MAST4: variants seen among roughly 807,000 people sequenced by gnomAD.
The protein encoded by MAST4 is microtubule associated serine/threonine kinase family member 4, also known as microtubule-associated serine/threonine-protein kinase 4.
Under a neutral mutation model 162.7 loss-of-function variants are expected in MAST4, and 89 were observed. That is an observed-to-expected ratio of 0.55 (90% CI 0.46 to 0.65). MAST4 has a LOEUF of 0.65. MAST4 is among the 30% of genes least tolerant of loss of function. MAST4 has a pLI of 0.00. For missense variants in MAST4, 3,153 were observed against 3,374.0 expected (o/e 0.93, Z 1.62); for synonymous variants, 1,479 against 1,361.1 (o/e 1.09, Z -1.91).
At chr5:66,908,632 A>C (rs71626460) in intron 4 of MAST4, among the ~76,000 whole-genome samples, 4,987 of 152,282 alleles carry the variant, frequency 0.033, 152 homozygotes, top group African/African-American at 0.076. Flanking sequence ...AAATCAGAAT[A>C]AAGTAGGATT....
intron 1 of MAST4, among the ~76,000 whole-genome samples, chr5:66,703,518 A>G (rs1749917010): frequency 6.6e-6 from 1 of 152,202 alleles, no homozygotes. Context: ...CAGTGACCCA[A>G]CTTCTGCAGG....
intron 4 of MAST4, among the ~76,000 whole-genome samples, chr5:67,017,721 G>A (rs1753480868): frequency 1.3e-5 from 2 of 150,122 alleles, no homozygotes; most frequent in Non-Finnish European, 3.0e-5. Context: ...CGCCTGCCTC[G>A]GCCTCCCGAG....
At chr5:67,150,232 A>G (rs1253328112) in intron 24 of MAST4, among the ~76,000 whole-genome samples, 2 of 152,114 alleles carry the variant, frequency 1.3e-5, no homozygotes, top group East Asian at 3.9e-4. Flanking sequence ...CTGATCACTA[A>G]CTCTGTAGTA....
chr5:67,167,063 C>T lies in MAST4; in HGVS notation c.*12C>T, dbSNP rs759636420. On this transcript the variant is annotated 3_prime_UTR_variant, in exon 29 of 29. Coordinates refer to ENST00000403625, the MANE Select transcript of MAST4 (RefSeq NM_001164664.2). ...AAAAGGCCTTGTAACGGGGAGGGCC[C>T]AGGGGCAGGACTGTGGAGACCCGTC... is the stretch of plus-strand genomic sequence containing the variant. The T allele has an allele frequency of 1.9e-5, 30 of 1,566,310 alleles. No individual in the cohort carries two copies. The highest frequency in any genetic ancestry group is 8.7e-6 in the Non-Finnish European group (10 of 1,155,952).
In MAST4 at chr5:66,596,621, C is replaced by A. The variant is rs1425633846; in HGVS notation, c.-35C>A. ...AGGCGCTGAGTGCGCGCCGCGCCCC[C>A]GCCGCTCGGGAGGCACTTTGGGCCA... On this transcript the variant is annotated 5_prime_UTR_variant, in exon 1 of 29. Coordinates refer to ENST00000403625, the MANE Select transcript of MAST4 (RefSeq NM_001164664.2). 17 of 1,397,978 alleles carry A rather than the reference C, an allele frequency of 1.2e-5. No homozygotes were observed. Among genetic ancestry groups the A allele is most frequent in the Middle Eastern group, 4.1e-4 (2 of 4,888 alleles). The allele number at this position is 1,397,978 out of a possible 1,614,324, so 86.6% of individuals were successfully genotyped here.
At chr5:66,629,135 G>A (rs540580704) in intron 1 of MAST4, among the ~76,000 whole-genome samples, 2 of 152,326 alleles carry the variant, frequency 1.3e-5, no homozygotes, top group Non-Finnish European at 2.9e-5. Context: ...CGGAAATTGA[G>A]CCTGCATTGA....
chr5:66,761,595 C>T (rs556008404), intron 2 of MAST4, among the ~76,000 whole-genome samples: 4 of 149,272 alleles, frequency 2.7e-5, no homozygotes, highest in East Asian at 3.9e-4. Context: ...TGGATTTTGA[C>T]GTTTTGAAGA....
intron 3 of MAST4, chr5:66,828,638 C>G (rs1229676471): frequency 1.6e-6 from 1 of 621,984 alleles, no homozygotes; most frequent in Non-Finnish European, 2.8e-6. Context: ...CCACTTGCTG[C>G]TCTCTCCCAC....
At chr5:66,609,076 G>C (rs897403689) in intron 1 of MAST4, among the ~76,000 whole-genome samples, 2 of 114,224 alleles carry the variant, frequency 1.8e-5, no homozygotes, top group African/African-American at 6.6e-5. Context: ...TTTTTTCCCT[G>C]TAAATCCTTG....
In MAST4 at chr5:66,844,873, A is replaced by G. The variant is rs193044053; in HGVS notation, c.643-55078A>G. 2.0e-3 allele frequency among the ~76,000 whole-genome samples: 304 copies of G among 151,860 alleles called. 2 individuals are homozygous for G. Among genetic ancestry groups the G allele is most frequent in the African/African-American group, 6.9e-3 (284 of 41,410 alleles). On this transcript the variant is annotated intron_variant, in intron 3 of 28. Transcript: ENST00000403625. ...CTTACATTTTGGGTCCTATTGAGAA[A>G]TTCAAAGGGAAAGATCCAATAGATA...
Position 67,163,484 on chromosome 5 carries a change from C to G in MAST4, c.4305C>G (p.Pro1435=). 1 of 1,613,322 alleles carries G rather than the reference C, an allele frequency of 6.2e-7. No individual in the cohort carries two copies. The highest frequency in any genetic ancestry group is 8.5e-7 in the Non-Finnish European group (1 of 1,179,784). Residue 1435 remains proline (P), a synonymous_variant, in exon 29 of 29, where the codon CCC becomes CCG. Coordinates refer to ENST00000403625, the MANE Select transcript of MAST4 (RefSeq NM_001164664.2). This position sits in a 1 kb window ranked among gnomAD's most constrained non-coding sequence, Gnocchi z 7.0. The part of the protein sequence containing the change: ...RHIVRPKSAE[P]PRSPLLKRVQ... The stretch of plus-strand genomic sequence containing the variant: ...TCGTGAGGCCCAAGAGTGCGGAGCC[C>G]CCCAGGTCCCCGCTGCTCAAGCGCG...
Position 67,061,160 on chromosome 5 carries a change from G to C in MAST4, c.763+6668G>C, listed in dbSNP as rs559908276. ...CAGTCTTTTTTCCTGTATGTACTCT[G>C]TGTGTGTGTGTGTGTCCATCTGAAC... On this transcript the variant is annotated intron_variant, in intron 5 of 28. Transcript: ENST00000403625. Among the ~76,000 whole-genome samples the C allele has an allele frequency of 9.2e-5, 10 of 108,436 alleles. No homozygotes were observed. In the East Asian group the frequency reaches 2.6e-3, roughly 28 times the overall value. The allele number at this position is 108,436 out of a possible 152,430, so 71.1% of individuals were successfully genotyped here.
At chr5:66,869,344 G>T (rs371494345) in intron 3 of MAST4, among the ~76,000 whole-genome samples, 18 of 152,318 alleles carry the variant, frequency 1.2e-4, no homozygotes, top group African/African-American at 4.3e-4. Flanking sequence ...GAAATGGGAA[G>T]ACATGCTCAG....
chr5:66,824,884 A>T (rs925736889), intron 3 of MAST4, among the ~76,000 whole-genome samples: 115 of 152,340 alleles, frequency 7.5e-4, no homozygotes, highest in African/African-American at 2.7e-3. Flanking sequence ...AAGATATTTT[A>T]TATCTGTATA....
intron 1 of MAST4, among the ~76,000 whole-genome samples, chr5:66,752,092 G>A (rs1213984332): frequency 1.3e-5 from 2 of 152,134 alleles, no homozygotes; most frequent in Non-Finnish European, 2.9e-5. Flanking sequence ...ACAAGCAAAT[G>A]CTGAGAAATT....
At chr5:66,702,692 A>G (rs1171291794) in intron 1 of MAST4, among the ~76,000 whole-genome samples, 1 of 152,292 alleles carries the variant, frequency 6.6e-6, no homozygotes, top group East Asian at 1.9e-4. Flanking sequence ...TGGCTGGAGC[A>G]GAACAGGCAA....
intron 3 of MAST4, among the ~76,000 whole-genome samples, chr5:66,856,036 C>A (rs1018619221): frequency 2.0e-5 from 3 of 151,986 alleles, no homozygotes; most frequent in Non-Finnish European, 4.4e-5. Context: ...TGGTGGTGTG[C>A]GCCTGTGGTC....
At chr5:66,979,923 CT>C (rs1748580494) in intron 4 of MAST4, among the ~76,000 whole-genome samples, 1 of 152,192 alleles carries the variant, frequency 6.6e-6, no homozygotes, top group African/African-American at 2.4e-5. Context: ...TGTTATGGAT[CT>C]GACCAAATTT....
At chr5:67,000,702 C>T (rs936750582) in intron 4 of MAST4, among the ~76,000 whole-genome samples, 5 of 150,892 alleles carry the variant, frequency 3.3e-5, no homozygotes, top group African/African-American at 7.3e-5. Flanking sequence ...AAGCCAAGAT[C>T]GCGCCACTGC....
Sources: allele counts gnomAD v4.1 joint callset (sites outside exome capture counted in the v4.1 genomes callset), GRCh38; gene constraint gnomAD v4.1.1; non-coding constraint Gnocchi (gnomAD v3.1); transcripts MANE v1.5; gene names NCBI Gene and HGNC (gene_info 2026-07-23, HGNC 2026-07-21).